Variants in FN1 observed in about 807,000 individuals in gnomAD.
FN1 encodes fibronectin.
A neutral mutation model predicts 297.3 loss-of-function variants in FN1; 106 were observed. The ratio of observed to expected loss-of-function variants is 0.36; its 90% CI spans 0.30 to 0.42. FN1 has a LOEUF of 0.42. Among genes scored for constraint, FN1 ranks in the 10% least tolerant of loss-of-function variants. The pLI is 1.00. For missense variants in FN1, 2,690 were observed against 3,124.9 expected (o/e 0.86, Z 3.32); for synonymous variants, 1,149 against 1,152.6 (o/e 1.00, Z 0.06).
chr2:215,379,522 C>G, intron 33 of FN1: 1 of 533,924 alleles, frequency 1.9e-6, no homozygotes, highest in African/African-American at 1.9e-5. Context: ...TTATATCCAC[C>G]AATTCTCAGA....
chr2:215,372,865 A>G (rs1575271307), intron 39 of FN1, among the ~76,000 whole-genome samples: 2 of 152,220 alleles, frequency 1.3e-5, no homozygotes, highest in African/African-American at 2.4e-5. Flanking sequence ...AAATTTTCCT[A>G]TATCAGGAAT....
rs182694266 is a variant in FN1, at chr2:215,409,125, T to C, written c.2299+438A>G. ...TGCTGGTCTTGTGGTGTGTTCACTT[T>C]ATAAGAATTCAAATTCACTGAACTC... On this transcript the variant is annotated intron_variant, in intron 15 of 45. Coordinates refer to ENST00000354785, the MANE Select transcript of FN1 (RefSeq NM_212482.4). Among the ~76,000 whole-genome samples, 22 of 152,286 alleles carry C rather than the reference T, an allele frequency of 1.4e-4. No homozygotes were observed. The East Asian group carries it at 4.3e-3, about 29-fold the overall frequency.
At position 215,361,560 on chromosome 2, in the gene FN1, C is replaced by T. The variant is rs1220822919; in HGVS notation, c.7429G>A (p.Glu2477Lys). Residue 2477 changes from glutamate (E) to lysine (K), a missense_variant, in exon 46 of 46, where the codon GAG becomes AAG. Glu to Lys is a moderately conservative substitution (Grantham distance 56). Transcript: ENST00000354785. ...CTCTGGATTGGAAAGATGATTTACTCTCGGGAATCTTCTCTGTCAGCCTGT... is the reference window on the plus strand; with the variant it reads ...CTCTGGATTGGAAAGATGATTTACTTTCGGGAATCTTCTCTGTCAGCCTGT... ...DVQADREDSR[E>K] 6.2e-7 allele frequency: 1 copy of T among 1,601,856 alleles called. No individual in the cohort carries two copies. The highest frequency in any genetic ancestry group is 8.6e-7 in the Non-Finnish European group (1 of 1,168,936).
chr2:215,380,477 A>G (rs2058052835), intron 33 of FN1: 1 of 331,046 alleles, frequency 3.0e-6, no homozygotes. Context: ...TAAGCTCTGT[A>G]ATGCCAAACT....
chr2:215,370,823 T>C (rs2055873165), intron 40 of FN1, among the ~76,000 whole-genome samples: 1 of 152,206 alleles, frequency 6.6e-6, no homozygotes, highest in Non-Finnish European at 1.5e-5. Context: ...ACGGTCATGC[T>C]CCTCCAGGTG....
chr2:215,366,255 C>T (rs1475926602), intron 42 of FN1, among the ~76,000 whole-genome samples: 2 of 152,088 alleles, frequency 1.3e-5, no homozygotes, highest in Non-Finnish European at 2.9e-5. Flanking sequence ...CATTTGAATT[C>T]TCACTATTAA....
At chr2:215,363,984 A>G (rs981838248) in intron 44 of FN1, among the ~76,000 whole-genome samples, 1 of 152,182 alleles carries the variant, frequency 6.6e-6, no homozygotes, top group Non-Finnish European at 1.5e-5. Flanking sequence ...GCTCCTTTCT[A>G]TCCCAGGGGG....
chr2:215,407,589 T>C (rs1268590560), intron 17 of FN1, among the ~76,000 whole-genome samples: 1 of 152,220 alleles, frequency 6.6e-6, no homozygotes, highest in Non-Finnish European at 1.5e-5. Context: ...CAATTAGAGA[T>C]GCCATTAGGT....
At chr2:215,404,245 C>A in intron 20 of FN1, 144 bp downstream of exon 20, 1 of 844,672 alleles carries the variant, frequency 1.2e-6, no homozygotes, top group Non-Finnish European at 1.9e-6. Flanking sequence ...AGCAGCCAGT[C>A]TATGGAGCAC....
rs935796196 is a variant in FN1, at chr2:215,419,186, C to T, written c.1819+56G>A. 6 of 1,513,322 alleles carry T rather than the reference C, an allele frequency of 4.0e-6. No homozygotes were observed. In the African/African-American group the frequency reaches 8.2e-5, roughly 21 times the overall value. 93.7% of individuals were successfully genotyped at this position (1,513,322 alleles called of 1,614,324 possible). A position where few individuals can be genotyped will look rare whatever the true frequency, so the allele number is the denominator to read the frequency against. On this transcript the variant is annotated intron_variant, in intron 12 of 45. Coordinates refer to ENST00000354785, the MANE Select transcript of FN1 (RefSeq NM_212482.4). ...GGCATGAGAGCATTAATAATCACTG[C>T]CCTGTTGTTATAACCCAATTGGCAG... is the stretch of plus-strand genomic sequence containing the variant.
chr2:215,389,553 C>T (rs1191722620), intron 26 of FN1, among the ~76,000 whole-genome samples: 1 of 151,730 alleles, frequency 6.6e-6, no homozygotes, highest in Non-Finnish European at 1.5e-5. Context: ...TTTGGGAGGC[C>T]GAGGAGGGTG....
chr2:215,429,941 A>C (rs1000122374), intron 5 of FN1, among the ~76,000 whole-genome samples: 3 of 152,208 alleles, frequency 2.0e-5, no homozygotes, highest in Non-Finnish European at 4.4e-5. Context: ...AAGTCTGATG[A>C]TCACAGTAAC....
chr2:215,394,582 A>G lies in FN1; in HGVS notation c.3742T>C (p.Tyr1248His), dbSNP rs1314383234. Residue 1248 changes from tyrosine (Y) to histidine (H), a missense_variant, in exon 24 of 46, where the codon TAC becomes CAC. Transcript: ENST00000354785. ...SPGLEYNVSV[Y>H]TVKDDKESVP... ...CTTTCCTTGTCATCCTTGACAGTGT[A>G]AACACTGACATTGTACTCCAGGCCG... The G allele has an allele frequency of 6.2e-7, 1 of 1,613,876 alleles. No homozygotes were observed. Among genetic ancestry groups the G allele is most frequent in the African/African-American group, 1.3e-5 (1 of 74,930 alleles).
intron 9 of FN1, 70 bp from the exon 10 acceptor site, chr2:215,422,313 G>C: frequency 5.5e-6 from 8 of 1,444,964 alleles, no homozygotes; most frequent in Non-Finnish European, 7.8e-6. Flanking sequence ...GTGTGCAAAA[G>C]GATCAGTTCA....
At position 215,428,259 on chromosome 2, in the gene FN1, C is replaced by T. The variant is rs2065853744; in HGVS notation, c.765G>A (p.Leu255=). 1.9e-6 allele frequency: 3 copies of T among 1,614,086 alleles called. No individual in the cohort carries two copies. Among genetic ancestry groups the T allele is most frequent in the Admixed American group, 3.3e-5 (2 of 60,000 alleles). ...TWSKKDNRGN[L]LQCICTGNGR... ...CGTTGCCTGTGCAGATGCACTGGAG[C>T]AGGTTTCCTCGATTATCCTTCTTGC... Residue 255 remains leucine, a synonymous_variant, in exon 6 of 46, where the codon CTG becomes CTA. Coordinates refer to ENST00000354785, the MANE Select transcript of FN1 (RefSeq NM_212482.4).
In FN1 at chr2:215,361,205, T is replaced by G. The variant is rs2053386627; in HGVS notation, c.*350A>C. Reference sequence around the variant, plus strand: ...GAAGTGTTTGGGTGACTTTCCTACTTAAAATTTTGGTCATATCATTTCAAA... The same window carrying G: ...GAAGTGTTTGGGTGACTTTCCTACTGAAAATTTTGGTCATATCATTTCAAA... On this transcript the variant is annotated 3_prime_UTR_variant, in exon 46 of 46. Transcript: ENST00000354785. 4 of 273,788 alleles carry G rather than the reference T, an allele frequency of 1.5e-5. No individual in the cohort carries two copies. Among genetic ancestry groups the G allele is most frequent in the Non-Finnish European group, 2.1e-5 (3 of 140,756 alleles). 17.0% of individuals were successfully genotyped at this position (273,788 alleles called of 1,614,324 possible). A position where few individuals can be genotyped will look rare whatever the true frequency, so the allele number is the denominator to read the frequency against.
In FN1 at chr2:215,379,110, G is replaced by A. The variant is rs780398612; in HGVS notation, c.5622+20C>T. 1.9e-6 allele frequency: 3 copies of A among 1,609,568 alleles called. No individual in the cohort carries two copies. Among genetic ancestry groups the A allele is most frequent in the East Asian group, 2.2e-5 (1 of 44,854 alleles). ...AGATGATCTCCATCTTTATTCCAATGAACAACGGTCATGTCTTACCATAAG... is the reference window on the plus strand; with the variant it reads ...AGATGATCTCCATCTTTATTCCAATAAACAACGGTCATGTCTTACCATAAG... On this transcript the variant is annotated intron_variant, in intron 34 of 45. Coordinates refer to ENST00000354785, the MANE Select transcript of FN1 (RefSeq NM_212482.4).
intron 28 of FN1, among the ~76,000 whole-genome samples, chr2:215,385,231 C>T: frequency 9.0e-6 from 1 of 111,596 alleles, no homozygotes; most frequent in African/African-American, 3.5e-5. Flanking sequence ...GGAAAAATTT[C>T]AAAACTACAG....
At chr2:215,420,141 A>G (rs2064026607) in intron 11 of FN1, among the ~76,000 whole-genome samples, 1 of 152,158 alleles carries the variant, frequency 6.6e-6, no homozygotes, top group Admixed American at 6.5e-5. Flanking sequence ...TGAGTTTGAG[A>G]CCAGCCTGAC....
Sources: gnomAD v4.1 joint callset for allele counts (sites outside exome capture counted in the v4.1 genomes callset) on GRCh38, gnomAD v4.1.1 for gene constraint, MANE v1.5 for transcripts, NCBI Gene and HGNC (gene_info 2026-07-23, HGNC 2026-07-21) for gene names.